EPHA4: variants seen among roughly 807,000 people sequenced by gnomAD.
EPHA4 encodes EPH receptor A4.
EPHA4 carries 19 observed loss-of-function variants against 108.3 expected under a neutral mutation model. The ratio of observed to expected loss-of-function variants is 0.18; its 90% CI spans 0.12 to 0.26. The LOEUF is 0.26. EPHA4 is among the 10% of genes least tolerant of loss of function. The pLI, the probability that EPHA4 is intolerant of heterozygous loss-of-function variation, is 1.00. For synonymous variants in EPHA4, 449 were observed against 455.5 expected (o/e 0.99, Z 0.18); for missense variants, 917 against 1,254.0 (o/e 0.73, Z 4.06).
chr2:221,438,553 C>T (rs956216566), intron 11 of EPHA4, among the ~76,000 whole-genome samples: 1 of 151,988 alleles, frequency 6.6e-6, no homozygotes, highest in African/African-American at 2.4e-5. Context: ...TTTGGGAGGC[C>T]GAGGCAGGTG....
At chr2:221,527,985 A>G (rs1459643841) in intron 3 of EPHA4, among the ~76,000 whole-genome samples, 8 of 152,226 alleles carry the variant, frequency 5.3e-5, no homozygotes, top group Non-Finnish European at 8.8e-5. Context: ...AAGTGTTTAT[A>G]CATCTTTCCC....
chr2:221,448,695 A>G (rs993146985), intron 8 of EPHA4, among the ~76,000 whole-genome samples: 2 of 152,234 alleles, frequency 1.3e-5, no homozygotes, highest in South Asian at 4.1e-4. Flanking sequence ...GTGTCTTATC[A>G]GAGCTCCTAA....
chr2:221,505,155 C>T (rs1692592304), intron 3 of EPHA4, among the ~76,000 whole-genome samples: 1 of 151,982 alleles, frequency 6.6e-6, no homozygotes, highest in Non-Finnish European at 1.5e-5. Flanking sequence ...GAGATATGGC[C>T]GGTCAATGAA....
intron 3 of EPHA4, among the ~76,000 whole-genome samples, chr2:221,526,080 T>C (rs1221089999): frequency 6.6e-6 from 1 of 152,212 alleles, no homozygotes; most frequent in Non-Finnish European, 1.5e-5. Flanking sequence ...TACATAATCA[T>C]ACTAAATATA....
intron 5 of EPHA4, among the ~76,000 whole-genome samples, chr2:221,463,374 C>A (rs1157918983): frequency 6.6e-6 from 1 of 152,154 alleles, no homozygotes; most frequent in Non-Finnish European, 1.5e-5. Context: ...CTACAAATCC[C>A]TGAGAAACTG....
At chr2:221,510,734 T>A (rs1272580583) in intron 3 of EPHA4, among the ~76,000 whole-genome samples, 2 of 152,110 alleles carry the variant, frequency 1.3e-5, no homozygotes, top group African/African-American at 4.8e-5. Flanking sequence ...AAGAATGCAG[T>A]GGGGGAGATG....
At chr2:221,461,378 AT>A (rs1574582531) in intron 5 of EPHA4, among the ~76,000 whole-genome samples, 1 of 152,156 alleles carries the variant, frequency 6.6e-6, no homozygotes, top group Non-Finnish European at 1.5e-5. Context: ...AGATAATAGA[AT>A]TTTTTTAAAA....
chr2:221,515,324 A>T (rs1045393703), intron 3 of EPHA4, among the ~76,000 whole-genome samples: 2 of 152,176 alleles, frequency 1.3e-5, no homozygotes, highest in African/African-American at 4.8e-5. Context: ...CGAACTCCCA[A>T]CCTCAGGTGA....
At position 221,484,434 on chromosome 2, in the gene EPHA4, C is replaced by T. The variant is rs368260463; in HGVS notation, c.980-1744G>A. On this transcript the variant is annotated intron_variant, in intron 4 of 17. Transcript: ENST00000281821. ...CAACAACCTCTTTAAGCATTAAGAT[C>T]AGCTCCCCATCCTGTGAAACTTAGA... Among the ~76,000 whole-genome samples the T allele has an allele frequency of 1.6e-4, 25 of 152,294 alleles. No homozygotes were observed. The South Asian group carries it at 4.8e-3, about 29-fold the overall frequency.
intron 4 of EPHA4, among the ~76,000 whole-genome samples, chr2:221,490,186 T>C (rs1050546832): frequency 7.1e-6 from 1 of 141,666 alleles, no homozygotes; most frequent in African/African-American, 2.6e-5. Flanking sequence ...CACTTTTGTA[T>C]GTCACAAAAG....
upstream of EPHA4, chr2:221,572,511 G>C (rs1364455056): frequency 1.5e-5 from 2 of 132,814 alleles, no homozygotes; most frequent in Non-Finnish European, 2.3e-5. Flanking sequence ...GGGCGAGCAC[G>C]GCCGGTCCCC....
chr2:221,429,890 G>A, intron 15 of EPHA4, 68 bp downstream of exon 15: 1 of 1,553,762 alleles, frequency 6.4e-7, no homozygotes, highest in Non-Finnish European at 8.8e-7. Flanking sequence ...GAATTTAAGT[G>A]AGTCACCACT....
rs1338010649 is a variant in EPHA4, at chr2:221,571,964, C to G, written c.91+194G>C. 6.6e-6 allele frequency among the ~76,000 whole-genome samples: 1 copy of G among 152,190 alleles called. No individual in the cohort carries two copies. The highest frequency in any genetic ancestry group is 1.5e-5 in the Non-Finnish European group (1 of 68,036). ...GACCCGCCGCGTGCACGGGTCACCG[C>G]CTCGGGGCAGGCTGTCCGGCGGTTC... On this transcript the variant is annotated intron_variant, in intron 1 of 17. Transcript: ENST00000281821. The surrounding 1 kb of genome is among the most constrained non-coding windows in gnomAD (Gnocchi z 6.3).
At chr2:221,508,584 A>AG (rs1238276067) in intron 3 of EPHA4, among the ~76,000 whole-genome samples, 1 of 112,664 alleles carries the variant, frequency 8.9e-6, no homozygotes. Context: ...GTCTCAAAAC[A>AG]GGAAAAAAAA....
intron 3 of EPHA4, among the ~76,000 whole-genome samples, chr2:221,533,461 G>T (rs1228657780): frequency 6.6e-6 from 1 of 151,996 alleles, no homozygotes; most frequent in Non-Finnish European, 1.5e-5. Context: ...ATGACTCGGA[G>T]GGAGGAGGAA....
At chr2:221,509,871 G>T (rs1293388037) in intron 3 of EPHA4, among the ~76,000 whole-genome samples, 2 of 152,174 alleles carry the variant, frequency 1.3e-5, no homozygotes, top group Non-Finnish European at 2.9e-5. Context: ...AGACATAACG[G>T]GAAAGGCCTG....
At chr2:221,537,078 T>C (rs1008492922) in intron 3 of EPHA4, among the ~76,000 whole-genome samples, 2 of 152,228 alleles carry the variant, frequency 1.3e-5, no homozygotes, top group Non-Finnish European at 2.9e-5. Context: ...TTGTGAACTG[T>C]TGCATTTAAT....
intron 1 of EPHA4, among the ~76,000 whole-genome samples, chr2:221,570,443 G>T (rs1694796521): frequency 6.6e-6 from 1 of 152,152 alleles, no homozygotes; most frequent in Non-Finnish European, 1.5e-5. Flanking sequence ...CGGGATCCAC[G>T]ATTCCTCTCA....
chr2:221,566,831 A>T (rs1415564885), intron 2 of EPHA4, among the ~76,000 whole-genome samples: 1 of 131,574 alleles, frequency 7.6e-6, no homozygotes, highest in African/African-American at 3.0e-5. Flanking sequence ...AAGAAGGAGA[A>T]GGAGAAGAAG....
Sources: gnomAD v4.1 joint callset for allele counts (sites outside exome capture counted in the v4.1 genomes callset) on GRCh38, gnomAD v4.1.1 for gene constraint, Gnocchi (gnomAD v3.1) non-coding constraint, MANE v1.5 for transcripts, NCBI Gene and HGNC (gene_info 2026-07-23, HGNC 2026-07-21) for gene names.